The following PSTPIP2 variants were observed in gnomAD, a reference collection of about 807,000 sequenced individuals.
The protein encoded by PSTPIP2 is proline-serine-threonine phosphatase interacting protein 2.
PSTPIP2 carries 33 observed loss-of-function variants against 63.3 expected under a neutral mutation model. The observed-to-expected ratio is 0.52, with a 90% confidence interval of 0.40 to 0.70. The LOEUF is 0.70. Among genes scored for constraint, PSTPIP2 ranks in the 30% least tolerant of loss-of-function variants. The pLI, the probability that PSTPIP2 is intolerant of heterozygous loss-of-function variation, is 0.00. For missense variants in PSTPIP2, 312 were observed against 400.7 expected, an observed-to-expected ratio of 0.78 and a Z score of 1.89; for synonymous variants, 125 against 132.7, an observed-to-expected ratio of 0.94 and a Z score of 0.40.
intron 2 of PSTPIP2, chr18:46,029,027 T>C: frequency 1.2e-6 from 1 of 810,480 alleles, no homozygotes; most frequent in Non-Finnish European, 2.2e-6. Context: ...TTAGATAACC[T>C]ATATCACTAT....
chr18:45,990,939 C>T (rs1042019647), intron 12 of PSTPIP2, among the ~76,000 whole-genome samples, 183 bp from the exon 13 acceptor site: 2 of 152,102 alleles, frequency 1.3e-5, no homozygotes, highest in Non-Finnish European at 2.9e-5. Flanking sequence ...TTGCAGACGT[C>T]GTACTATGGC....
chr18:46,023,283 G>C (rs148216693), intron 3 of PSTPIP2, among the ~76,000 whole-genome samples: 1 of 151,980 alleles, frequency 6.6e-6, no homozygotes, highest in African/African-American at 2.4e-5. Flanking sequence ...TTTTTTCGCC[G>C]GGCATGGTGG....
At chr18:46,049,007 C>CGTGTGT (rs1568228961) in intron 1 of PSTPIP2, among the ~76,000 whole-genome samples, 2 of 93,320 alleles carry the variant, frequency 2.1e-5, no homozygotes, top group African/African-American at 8.9e-5. Flanking sequence ...AGAAAAAAAG[C>CGTGTGT]ATGTGTGTGT....
intron 3 of PSTPIP2, among the ~76,000 whole-genome samples, chr18:46,017,762 T>C (rs896357921): frequency 2.0e-5 from 3 of 152,164 alleles, no homozygotes; most frequent in African/African-American, 7.2e-5. Flanking sequence ...TTACACTTTT[T>C]GTGATGAGAA....
chr18:45,990,510 T>C lies in PSTPIP2; in HGVS notation c.955+212A>G, dbSNP rs568614750. 8.5e-5 allele frequency among the ~76,000 whole-genome samples: 13 copies of C among 152,162 alleles called. No individual in the cohort carries two copies. In the South Asian group the frequency reaches 2.7e-3, roughly 32 times the overall value. On this transcript the variant is annotated intron_variant, in intron 13 of 14. Transcript: ENST00000409746. ...AGTGGTGCAATCTTGGCTCACTGCA[T>C]CCTCCACCTCCCAGGTTCAAACAAT...
chr18:46,001,904 A>G (rs941440618), intron 6 of PSTPIP2, among the ~76,000 whole-genome samples: 1 of 152,188 alleles, frequency 6.6e-6, no homozygotes, highest in Admixed American at 6.5e-5. Flanking sequence ...ATCCAATTAC[A>G]TTCTTTAAGT....
Position 46,039,756 on chromosome 18 carries a change from T to C in PSTPIP2, c.134+191A>G, listed in dbSNP as rs1908120923. Among the ~76,000 whole-genome samples the C allele has an allele frequency of 3.3e-5, 5 of 152,228 alleles. No individual in the cohort carries two copies. The South Asian group carries it at 1.0e-3, about 32-fold the overall frequency. ...TCGTTCGCAGTTTCATCATAAATCT[T>C]ATGTGTCAAACTTGTTTCTAAGAAC... On this transcript the variant is annotated intron_variant, in intron 2 of 14. Coordinates refer to ENST00000409746, the MANE Select transcript of PSTPIP2 (RefSeq NM_024430.4).
chr18:46,071,301 T>G (rs1354898829), intron 1 of PSTPIP2, among the ~76,000 whole-genome samples: 1 of 152,152 alleles, frequency 6.6e-6, no homozygotes, highest in Non-Finnish European at 1.5e-5. Context: ...CTTTGAGGTT[T>G]GCAGCCTCCT....
chr18:46,061,103 A>C (rs1908975946), intron 1 of PSTPIP2, among the ~76,000 whole-genome samples: 1 of 152,166 alleles, frequency 6.6e-6, no homozygotes. Context: ...CAGGAGTTCA[A>C]GAGCAACCTG....
chr18:46,011,130 C>T (rs372712319), intron 5 of PSTPIP2, 51 bp downstream of exon 5: 15 of 1,448,476 alleles, frequency 1.0e-5, no homozygotes, highest in African/African-American at 8.4e-5. Context: ...AACAAGCCTG[C>T]GGTTTTCTAT....
At chr18:46,053,779 A>C (rs1908658085) in intron 1 of PSTPIP2, among the ~76,000 whole-genome samples, 1 of 152,214 alleles carries the variant, frequency 6.6e-6, no homozygotes, top group Admixed American at 6.5e-5. Flanking sequence ...AACATTAATC[A>C]ATGATAAGAA....
At chr18:46,038,116 A>G (rs978528085) in intron 2 of PSTPIP2, among the ~76,000 whole-genome samples, 4 of 152,170 alleles carry the variant, frequency 2.6e-5, no homozygotes, top group Non-Finnish European at 5.9e-5. Flanking sequence ...GCTAGAGGGC[A>G]GTGGTGCAAT....
intron 5 of PSTPIP2, 81 bp downstream of exon 5, chr18:46,011,100 G>T: frequency 1.7e-6 from 2 of 1,158,856 alleles, no homozygotes; most frequent in Non-Finnish European, 2.6e-6. Context: ...TGGGAGCTGA[G>T]CTGAGGAGTA....
intron 1 of PSTPIP2, among the ~76,000 whole-genome samples, chr18:46,044,139 C>CATTTA (rs1908293831): frequency 6.6e-6 from 1 of 152,012 alleles, no homozygotes; most frequent in African/African-American, 2.4e-5. Flanking sequence ...CAAGTCAGAC[C>CATTTA]TAAAATTTAT....
At chr18:46,044,186 G>A (rs1369530225) in intron 1 of PSTPIP2, among the ~76,000 whole-genome samples, 1 of 152,154 alleles carries the variant, frequency 6.6e-6, no homozygotes, top group African/African-American at 2.4e-5. Context: ...AAACAAAAAA[G>A]AGTCTGCATC....
intron 6 of PSTPIP2, among the ~76,000 whole-genome samples, chr18:46,000,130 C>A (rs1162543196): frequency 1.3e-5 from 2 of 152,208 alleles, no homozygotes; most frequent in East Asian, 1.9e-4. Flanking sequence ...AAGGGTGAGA[C>A]CCTGTCTCAA....
Position 46,065,079 on chromosome 18 carries a change from G to A in PSTPIP2, c.33+7077C>T, listed in dbSNP as rs60477003. Reference sequence around the variant, plus strand: ...GAATTGCTTGAACCCAGGAGGCGGAGGTTACAGTGAGCCGAGGTCGTGCCA... The same window carrying A: ...GAATTGCTTGAACCCAGGAGGCGGAAGTTACAGTGAGCCGAGGTCGTGCCA... On this transcript the variant is annotated intron_variant, in intron 1 of 14. Coordinates refer to ENST00000409746, the MANE Select transcript of PSTPIP2 (RefSeq NM_024430.4). 9.1e-3 allele frequency among the ~76,000 whole-genome samples: 1,337 copies of A among 146,702 alleles called. 21 individuals are homozygous for A. The highest frequency in any genetic ancestry group is 0.032 in the African/African-American group (1,280 of 39,956).
intron 12 of PSTPIP2, 118 bp from the exon 13 acceptor site, chr18:45,990,874 C>G: frequency 1.3e-6 from 1 of 745,104 alleles, no homozygotes; most frequent in Non-Finnish European, 2.1e-6. Flanking sequence ...ACTGGAGGGT[C>G]AAGAAAGCTC....
chr18:46,014,150 G>A (rs921183634), intron 4 of PSTPIP2, among the ~76,000 whole-genome samples: 59 of 152,150 alleles, frequency 3.9e-4, no homozygotes, highest in African/African-American at 1.3e-3. Context: ...AGCCTCTGGA[G>A]TAGCTGGGAC....
Sources: gnomAD v4.1 joint callset for allele counts (sites outside exome capture counted in the v4.1 genomes callset) on GRCh38, gnomAD v4.1.1 for gene constraint, MANE v1.5 for transcripts, NCBI Gene and HGNC (gene_info 2026-07-23, HGNC 2026-07-21) for gene names.